The following AKAP6 variants were observed in gnomAD, a reference collection of about 807,000 sequenced individuals.
AKAP6 encodes A-kinase anchoring protein 6.
AKAP6 carries 58 observed loss-of-function variants against 188.5 expected under a neutral mutation model. The ratio of observed to expected loss-of-function variants is 0.31; its 90% CI spans 0.25 to 0.38. AKAP6 has a LOEUF of 0.38. AKAP6 is among the 10% of genes least tolerant of loss of function. AKAP6 has a pLI of 1.00. For synonymous variants in AKAP6, 989 were observed against 998.6 expected (o/e 0.99, Z 0.18); for missense variants, 2,710 against 2,740.0 (o/e 0.99, Z 0.24).
intron 1 of AKAP6, among the ~76,000 whole-genome samples, chr14:32,378,866 A>G (rs1888243869): frequency 6.6e-6 from 1 of 151,780 alleles, no homozygotes; most frequent in Non-Finnish European, 1.5e-5. Flanking sequence ...AGCAATGAGC[A>G]ATTTCTTTAA....
intron 3 of AKAP6, among the ~76,000 whole-genome samples, chr14:32,540,164 C>CTA (rs1212391189): frequency 3.5e-3 from 342 of 97,336 alleles, no homozygotes; most frequent in Middle Eastern, 4.5e-3. Context: ...CTCTCTCTCT[C>CTA]TCTCTATATA....
intron 7 of AKAP6, among the ~76,000 whole-genome samples, chr14:32,635,638 G>A (rs143194034): frequency 1.3e-5 from 2 of 152,178 alleles, no homozygotes; most frequent in African/African-American, 4.8e-5. Context: ...GGTAAAAATA[G>A]ACAGTGGATA....
At chr14:32,550,408 G>A (rs533226622) in intron 4 of AKAP6, among the ~76,000 whole-genome samples, 33 of 152,342 alleles carry the variant, frequency 2.2e-4, no homozygotes, top group African/African-American at 7.7e-4. Context: ...GCTAAAAGAA[G>A]ATCAAGTTCC....
intron 11 of AKAP6, among the ~76,000 whole-genome samples, chr14:32,755,839 C>T (rs2032310557): frequency 6.6e-6 from 1 of 152,212 alleles, no homozygotes; most frequent in South Asian, 2.1e-4. Context: ...GCCAAGAAGA[C>T]ATTTAGGGCC....
In AKAP6 at chr14:32,786,312, T is replaced by TTTTTTTTTTTTTG. The variant is rs2033413871; in HGVS notation, c.3588+12431_3588+12432insGTTTTTTTTTTTT. Among the ~76,000 whole-genome samples the TTTTTTTTTTTTTG allele has an allele frequency of 4.4e-5, 4 of 90,272 alleles. 1 individual carries two copies. Among genetic ancestry groups the TTTTTTTTTTTTTG allele is most frequent in the Non-Finnish European group, 9.2e-5 (4 of 43,462 alleles). 59.2% of individuals were successfully genotyped at this position (90,272 alleles called of 152,430 possible). ...TAAACCTTTATCTTTTTTTTTTTTT[T>TTTTTTTTTTTTTG]TTTTTTTTTTTTTGAGACGGAATCT... On this transcript the variant is annotated intron_variant, in intron 12 of 13. Coordinates refer to ENST00000280979, the MANE Select transcript of AKAP6 (RefSeq NM_004274.5).
intron 11 of AKAP6, among the ~76,000 whole-genome samples, chr14:32,742,657 T>G (rs191882733): frequency 6.6e-6 from 1 of 152,232 alleles, no homozygotes; most frequent in Non-Finnish European, 1.5e-5. Context: ...TTGTTTAATT[T>G]CCTTGTGTTT....
At chr14:32,683,197 T>C (rs1221138162) in intron 8 of AKAP6, among the ~76,000 whole-genome samples, 1 of 152,076 alleles carries the variant, frequency 6.6e-6, no homozygotes, top group African/African-American at 2.4e-5. Context: ...TTTCGTCATG[T>C]TGCCCAGGTT....
intron 2 of AKAP6, among the ~76,000 whole-genome samples, chr14:32,460,235 G>A (rs1957024): frequency 0.71 from 107,907 of 152,064 alleles, 39,838 homozygotes; most frequent in African/African-American, 0.91. Context: ...AAACAACCCT[G>A]TTTCTTCAAC....
At chr14:32,558,474 C>T (rs1330724622) in intron 4 of AKAP6, among the ~76,000 whole-genome samples, 1 of 152,124 alleles carries the variant, frequency 6.6e-6, no homozygotes, top group African/African-American at 2.4e-5. Context: ...AATACTTGAT[C>T]TGGGCCTTGA....
intron 4 of AKAP6, among the ~76,000 whole-genome samples, chr14:32,572,257 C>T (rs1884524383): frequency 6.6e-6 from 1 of 152,232 alleles, no homozygotes; most frequent in Non-Finnish European, 1.5e-5. Flanking sequence ...CCATAATCAA[C>T]ACCATCTCGA....
intron 5 of AKAP6, among the ~76,000 whole-genome samples, chr14:32,592,803 A>T (rs1460145541): frequency 6.6e-6 from 1 of 152,140 alleles, no homozygotes; most frequent in African/African-American, 2.4e-5. Context: ...AGGTATTAAC[A>T]TTTCCCGTCA....
intron 4 of AKAP6, among the ~76,000 whole-genome samples, chr14:32,559,789 T>G (rs1212323059): frequency 6.6e-6 from 1 of 150,944 alleles, no homozygotes; most frequent in East Asian, 1.9e-4. Context: ...TAATCTTTTT[T>G]TTTTTTTTTT....
chr14:32,399,921 G>C (rs1889027804), intron 1 of AKAP6, among the ~76,000 whole-genome samples: 1 of 152,094 alleles, frequency 6.6e-6, no homozygotes, highest in Non-Finnish European at 1.5e-5. Flanking sequence ...TTCCCCAGGT[G>C]TTTTGTGAGT....
chr14:32,765,342 G>A lies in AKAP6; in HGVS notation c.3373-8336G>A, dbSNP rs533838397. On this transcript the variant is annotated intron_variant, in intron 11 of 13. Coordinates refer to ENST00000280979, the MANE Select transcript of AKAP6 (RefSeq NM_004274.5). ...AATGATCTTTGGTAAAGTATGTGAA[G>A]CACATCTGATATGTCAGGTCTCTCA... 2.0e-5 allele frequency among the ~76,000 whole-genome samples: 3 copies of A among 152,272 alleles called. No individual in the cohort carries two copies. The South Asian group carries it at 6.2e-4, about 32-fold the overall frequency.
At chr14:32,638,718 T>C (rs954846579) in intron 7 of AKAP6, among the ~76,000 whole-genome samples, 2 of 152,014 alleles carry the variant, frequency 1.3e-5, no homozygotes, top group African/African-American at 4.8e-5. Flanking sequence ...ACCAAAGCAC[T>C]GTTCTTGGTT....
chr14:32,825,822 T>C lies in AKAP6; in HGVS notation c.*42+1007T>C, dbSNP rs573318456. On this transcript the variant is annotated intron_variant, in intron 13 of 13. Coordinates refer to ENST00000280979, the MANE Select transcript of AKAP6 (RefSeq NM_004274.5). ...TCACCTAAACTCGTGCTATAGGAAA[T>C]GAATTACAGAAGCAATCTACCCTAA... Among the ~76,000 whole-genome samples, 4 of 152,234 alleles carry C rather than the reference T, an allele frequency of 2.6e-5. No individual in the cohort carries two copies. In the South Asian group the frequency reaches 8.3e-4, roughly 32 times the overall value.
chr14:32,474,049 C>A (rs1016212989), intron 2 of AKAP6: 1 of 152,438 alleles, frequency 6.6e-6, no homozygotes, highest in East Asian at 1.9e-4. Context: ...AGGCATGCAC[C>A]ACCGTGCCTG....
intron 7 of AKAP6, among the ~76,000 whole-genome samples, chr14:32,624,866 A>G (rs1322046733): frequency 6.6e-6 from 1 of 152,136 alleles, no homozygotes; most frequent in Non-Finnish European, 1.5e-5. Context: ...TTTTTTTGAA[A>G]AAGTGTGACA....
At chr14:32,538,571 C>T (rs1882786794) in intron 3 of AKAP6, among the ~76,000 whole-genome samples, 1 of 151,716 alleles carries the variant, frequency 6.6e-6, no homozygotes, top group South Asian at 2.1e-4. Flanking sequence ...AAAAATTGGC[C>T]AATACCTTAC....
Sources: gnomAD v4.1 joint callset for allele counts (sites outside exome capture counted in the v4.1 genomes callset) on GRCh38, gnomAD v4.1.1 for gene constraint, MANE v1.5 for transcripts, NCBI Gene and HGNC (gene_info 2026-07-23, HGNC 2026-07-21) for gene names.